The following SPTBN4 variants were observed in gnomAD, a reference collection of about 807,000 sequenced individuals.
SPTBN4 encodes the protein spectrin beta chain, non-erythrocytic 4.
A neutral mutation model predicts 277.8 loss-of-function variants in SPTBN4; 96 were observed. That is an observed-to-expected ratio of 0.35 (90% confidence interval 0.29 to 0.41). SPTBN4 has a LOEUF of 0.41. Ranked by LOEUF, SPTBN4 falls within the 10% of genes least tolerant of loss-of-function variation. The probability of loss-of-function intolerance (pLI) is 1.00; values close to 1 mark genes in which losing one functional copy is unlikely to be tolerated. For missense variants in SPTBN4, 3,006 were observed against 3,595.7 expected (o/e 0.84, Z 4.19); for synonymous variants, 1,481 against 1,580.3 (o/e 0.94, Z 1.49).
chr19:40,549,541 G>T (rs1174621404), intron 21 of SPTBN4, 128 bp downstream of exon 21: 3 of 687,690 alleles, frequency 4.4e-6, no homozygotes, highest in Non-Finnish European at 6.8e-6. Context: ...GACGCATTCA[G>T]CCGTTCACTC....
Position 40,502,113 on chromosome 19 carries a change from C to T in SPTBN4, c.898-15C>T. 1.9e-6 allele frequency: 3 copies of T among 1,613,254 alleles called. No individual in the cohort carries two copies. The highest frequency in any genetic ancestry group is 1.1e-5 in the South Asian group (1 of 91,034). ...GGGTGGGATGAGGCTGACCCCCCTTCCTCTGCTGTGTCAGGTCTTGGACCA... is the reference window on the plus strand; with the variant it reads ...GGGTGGGATGAGGCTGACCCCCCTTTCTCTGCTGTGTCAGGTCTTGGACCA... On this transcript the variant is annotated splice_polypyrimidine_tract_variant and intron_variant, in intron 8 of 35. Transcript: ENST00000598249. The surrounding 1 kb of genome is among the most constrained non-coding windows in gnomAD (Gnocchi z 4.9).
At chr19:40,488,911 C>T (rs1352808768) in intron 3 of SPTBN4, among the ~76,000 whole-genome samples, 5 of 152,070 alleles carry the variant, frequency 3.3e-5, no homozygotes, top group African/African-American at 1.2e-4. Context: ...GATCCTCCAG[C>T]CTCGGCCTCC....
chr19:40,550,803 GC>G (rs2080910332), intron 22 of SPTBN4, among the ~76,000 whole-genome samples: 1 of 152,148 alleles, frequency 6.6e-6, no homozygotes, highest in African/African-American at 2.4e-5. Context: ...ACAGGTGTGA[GC>G]CACCGCGCCC....
At chr19:40,494,713 A>G (rs2080176364) in intron 5 of SPTBN4, among the ~76,000 whole-genome samples, 184 bp from the exon 6 acceptor site, 1 of 151,620 alleles carries the variant, frequency 6.6e-6, no homozygotes, top group South Asian at 2.1e-4. Context: ...TCTATCATCT[A>G]TCTGTGTATC....
In SPTBN4 at chr19:40,570,726, C is replaced by T. The variant is rs1210973018; in HGVS notation, c.7317C>T (p.Asn2439=). The part of the protein sequence containing the change: ...RELDANRKSS[N]RSWVSLYCVL... ...TCGACGCTAACCGCAAGTCGTCCAA[C>T]CGGTGAGCGTGTGGGCGGGGCTTTG... Residue 2439 remains asparagine, a splice_region_variant and synonymous_variant, in exon 33 of 36, where the codon AAC becomes AAT. Transcript: ENST00000598249. 2.5e-6 allele frequency: 4 copies of T among 1,606,990 alleles called. No homozygotes were observed. The highest frequency in any genetic ancestry group is 2.3e-5 in the East Asian group (1 of 44,216).
chr19:40,570,618 C>A lies in SPTBN4; in HGVS notation c.7209C>A (p.Ala2403=). 6.8e-7 allele frequency: 1 copy of A among 1,461,108 alleles called. No individual in the cohort carries two copies. Among genetic ancestry groups the A allele is most frequent in the Non-Finnish European group, 9.0e-7 (1 of 1,106,172 alleles). The allele number at this position is 1,461,108 out of a possible 1,614,324, so 90.5% of individuals were successfully genotyped here. Residue 2403 remains alanine, a synonymous_variant, in exon 33 of 36, where the codon GCC becomes GCA. Transcript: ENST00000598249. ...GGSRRSRSAP[A]QGGSAPAPPP... The stretch of plus-strand genomic sequence containing the variant: ...GCCGGCGCTCGCGCTCCGCCCCGGC[C>A]CAGGGCGGCTCCGCCCCCGCGCCTC...
At chr19:40,474,686 G>A (rs142833530) in intron 2 of SPTBN4, among the ~76,000 whole-genome samples, 2,052 of 152,026 alleles carry the variant, frequency 0.013, 50 homozygotes, top group African/African-American at 0.047. Flanking sequence ...GATCACTTGA[G>A]ATCAGGAGTT....
At chr19:40,497,462 G>T in intron 6 of SPTBN4, 27 bp from the exon 7 acceptor site, 1 of 1,571,308 alleles carries the variant, frequency 6.4e-7, no homozygotes. Flanking sequence ...CCTGCCTGCT[G>T]CCTGCCTGCT....
In SPTBN4 at chr19:40,513,221, T is replaced by A. The variant is rs939879148; in HGVS notation, c.2432T>A (p.Leu811Gln). ...FGHDEASSRRLARQHRALTGE... is the reference protein window; with the variant it reads ...FGHDEASSRRQARQHRALTGE... The stretch of plus-strand genomic sequence containing the variant: ...CACGACGAAGCTTCCAGCCGCCGCC[T>A]GGCGCGCCAGCACCGCGCGCTCACC... Residue 811 changes from leucine (L) to glutamine (Q), a missense_variant, in exon 14 of 36, where the codon CTG becomes CAG. Leu to Gln is a moderately radical substitution (Grantham distance 113, BLOSUM62 -2). Around this residue, in one of 5 missense-constraint regions of SPTBN4, gnomAD observed 1,759 missense variants for 2,061.5 expected, o/e 0.85. Coordinates refer to ENST00000598249, the MANE Select transcript of SPTBN4 (RefSeq NM_020971.3). 23 of 1,504,928 alleles carry A rather than the reference T, an allele frequency of 1.5e-5. No homozygotes were observed. Among genetic ancestry groups the A allele is most frequent in the African/African-American group, 7.2e-5 (5 of 68,976 alleles). The allele number at this position is 1,504,928 out of a possible 1,614,324, so 93.2% of individuals were successfully genotyped here.
chr19:40,548,846 C>A (rs1184602930), intron 20 of SPTBN4, among the ~76,000 whole-genome samples: 1 of 152,162 alleles, frequency 6.6e-6, no homozygotes, highest in Non-Finnish European at 1.5e-5. Context: ...AGGGAGACTA[C>A]CAATCTTGAA....
Position 40,569,699 on chromosome 19 carries a change from A to G in SPTBN4, c.6999A>G (p.Lys2333=), listed in dbSNP as rs1350648096. 3 of 1,612,752 alleles carry G rather than the reference A, an allele frequency of 1.9e-6. No homozygotes were observed. The East Asian group carries it at 6.7e-5, about 36-fold the overall frequency. ...LADIVEQLQE[K]EAGPGLPAGP... ...ACATTGTGGAACAGCTGCAGGAGAA[A>G]GAGGCAGGCCCAGGGCTGCCTGCTG... Residue 2333 remains lysine (K), a synonymous_variant, in exon 32 of 36, where the codon AAA becomes AAG. Coordinates refer to ENST00000598249, the MANE Select transcript of SPTBN4 (RefSeq NM_020971.3).
At chr19:40,514,973 C>T (rs376216930) in intron 14 of SPTBN4, among the ~76,000 whole-genome samples, 7 of 151,970 alleles carry the variant, frequency 4.6e-5, no homozygotes, top group East Asian at 3.9e-4. Context: ...GGCGTGGTGG[C>T]GCATGCTTGT....
intron 2 of SPTBN4, among the ~76,000 whole-genome samples, chr19:40,480,112 G>A (rs929608566): frequency 4.6e-5 from 7 of 152,026 alleles, no homozygotes; most frequent in African/African-American, 7.2e-5. Flanking sequence ...TTAGCTGGGC[G>A]TGGTGGTGGG....
At chr19:40,550,420 T>C in intron 22 of SPTBN4, 93 bp downstream of exon 22, 2 of 1,188,248 alleles carry the variant, frequency 1.7e-6, no homozygotes, top group South Asian at 1.3e-5. Context: ...AATGAATGTA[T>C]TGGCTTTTGG....
At chr19:40,496,190 C>T (rs961476072) in intron 6 of SPTBN4, among the ~76,000 whole-genome samples, 3 of 152,126 alleles carry the variant, frequency 2.0e-5, no homozygotes, top group Non-Finnish European at 4.4e-5. Flanking sequence ...CACTCTGTCC[C>T]CCAGGCTAGA....
intron 26 of SPTBN4, among the ~76,000 whole-genome samples, chr19:40,558,264 G>A (rs1264012024): frequency 6.6e-6 from 1 of 151,896 alleles, no homozygotes; most frequent in Admixed American, 6.6e-5. Flanking sequence ...GACTGAGGCA[G>A]GAGAATCGCT....
intron 30 of SPTBN4, among the ~76,000 whole-genome samples, chr19:40,567,348 C>T (rs117401695): frequency 7.1e-6 from 1 of 139,982 alleles, no homozygotes; most frequent in Non-Finnish European, 1.6e-5. Flanking sequence ...TAAATAAAGT[C>T]TTAAAGTCCT....
In SPTBN4 at chr19:40,560,342, C is replaced by A. The variant is rs367798132; in HGVS notation, c.5854C>A (p.Arg1952Ser). The change falls in exon 27 of 36, where the codon CGC becomes AGC. Residue 1952 changes from arginine (R) to serine (S), a missense_variant. Transcript: ENST00000598249. This position sits in a 1 kb window ranked among gnomAD's most constrained non-coding sequence, Gnocchi z 5.2. ...CGCCCTGCGCTTCCACAGCCAAGTCCGCGACCTGCTCTCCTGGATGGATGG... is the reference window on the plus strand; with the variant it reads ...CGCCCTGCGCTTCCACAGCCAAGTCAGCGACCTGCTCTCCTGGATGGATGG... ...ADALRFHSQV[R>S]DLLSWMDGIA... 6.2e-7 allele frequency: 1 copy of A among 1,614,100 alleles called. No individual in the cohort carries two copies. The highest frequency in any genetic ancestry group is 1.7e-5 in the Admixed American group (1 of 60,018).
In SPTBN4 at chr19:40,568,255, T is replaced by A; in HGVS notation, c.6929T>A (p.Met2310Lys). 1 of 1,605,154 alleles carries A rather than the reference T, an allele frequency of 6.2e-7. No individual in the cohort carries two copies. The highest frequency in any genetic ancestry group is 8.5e-7 in the Non-Finnish European group (1 of 1,176,292). Residue 2310 changes from methionine to lysine, a missense_variant, in exon 31 of 36, where the codon ATG (methionine) becomes AAG (lysine). Around this residue, in one of 5 missense-constraint regions of SPTBN4, gnomAD observed 630 missense variants for 677.6 expected, o/e 0.93. Transcript: ENST00000598249. ...CGGCAGGAGTCCAGCGAACAGGAGA[T>A]GCCCATCAGAGGAGACCTGGTCAAG... is the stretch of plus-strand genomic sequence containing the variant. Reference protein sequence around the residue: ...LERQESSEQEMPIRGDLVKGK... With the variant: ...LERQESSEQEKPIRGDLVKGK...
Sources: allele counts gnomAD v4.1 joint callset (sites outside exome capture counted in the v4.1 genomes callset), GRCh38; gene constraint gnomAD v4.1.1; regional missense constraint gnomAD v4.1.1; non-coding constraint Gnocchi (gnomAD v3.1); transcripts MANE v1.5; gene names NCBI Gene and HGNC (gene_info 2026-07-23, HGNC 2026-07-21).